Variants in ADGRG1 observed in about 807,000 individuals in gnomAD.
ADGRG1 encodes the protein 7-transmembrane protein with no EGF-like N-terminal domains-1.
In ADGRG1, 53 loss-of-function variants were observed where a neutral mutation model predicts 73.5. The ratio of observed to expected loss-of-function variants is 0.72; its 90% CI spans 0.58 to 0.91. ADGRG1 has a LOEUF of 0.91. ADGRG1 is among the 40% of genes least tolerant of loss of function. The pLI is 0.00. For missense variants in ADGRG1, 795 were observed against 871.8 expected, an observed-to-expected ratio of 0.91 and a Z score of 1.11; for synonymous variants, 394 against 374.4, an observed-to-expected ratio of 1.05 and a Z score of -0.60.
intron 1 of ADGRG1, chr16:57,641,717 C>A: frequency 5.0e-6 from 1 of 198,724 alleles, no homozygotes; most frequent in East Asian, 1.9e-4. Context: ...AGGTGTGTGC[C>A]ACTATGCCCA....
Position 57,650,251 on chromosome 16 carries a change from A to G in ADGRG1, c.-35-2A>G. ...CCAGCTAACACTCCTGGTCTCTTCCAGGTGGTGACTTCCAAGAGTGACTCC... is the reference window on the plus strand; with the variant it reads ...CCAGCTAACACTCCTGGTCTCTTCCGGGTGGTGACTTCCAAGAGTGACTCC... On this transcript the variant is annotated splice_acceptor_variant, in intron 1 of 13. Transcript: ENST00000562631. LOFTEE classifies it low-confidence loss of function (5UTR_SPLICE). The G allele has an allele frequency of 1.2e-6, 2 of 1,605,526 alleles. No homozygotes were observed. The highest frequency in any genetic ancestry group is 1.7e-6 in the Non-Finnish European group (2 of 1,172,234).
intron 1 of ADGRG1, chr16:57,646,401 A>G: frequency 1.0e-6 from 1 of 985,214 alleles, no homozygotes; most frequent in Non-Finnish European, 1.2e-6. Flanking sequence ...AACCCTGGCC[A>G]CCTTCCACTC....
At chr16:57,647,944 G>A (rs751275570) in intron 1 of ADGRG1, 4 of 172,874 alleles carry the variant, frequency 2.3e-5, no homozygotes, top group Non-Finnish European at 4.6e-5. Flanking sequence ...GAAGTGACAC[G>A]GTGGTTCTGC....
chr16:57,648,800 A>G, intron 1 of ADGRG1: 1 of 708,866 alleles, frequency 1.4e-6, no homozygotes, highest in Non-Finnish European at 1.7e-6. Flanking sequence ...CCGGCTGGCC[A>G]TAGGGAGGGC....
At position 57,628,795 on chromosome 16, in the gene ADGRG1, G is replaced by C; in HGVS notation, c.-43G>C. 2 of 985,550 alleles carry C rather than the reference G, an allele frequency of 2.0e-6. No homozygotes were observed. The highest frequency in any genetic ancestry group is 9.4e-5 in the South Asian group (2 of 21,332). 61.1% of individuals were successfully genotyped at this position (985,550 alleles called of 1,614,324 possible). Reference sequence around the variant, plus strand: ...TGGCCCTGCGTGGGACCCTCCACCTGGCAGCAGGTACCCAAACAAGGGCTG... The same window carrying C: ...TGGCCCTGCGTGGGACCCTCCACCTCGCAGCAGGTACCCAAACAAGGGCTG... On this transcript the variant is annotated 5_prime_UTR_variant, in exon 1 of 14. Transcript: ENST00000562631.
At position 57,653,231 on chromosome 16, in the gene ADGRG1, C is replaced by T. The variant is rs1180026006; in HGVS notation, c.516C>T (p.Ala172=). The change falls in exon 4 of 14, where the codon GCC becomes GCT. Residue 172 remains alanine (A), a synonymous_variant. Coordinates refer to ENST00000562631, the MANE Select transcript of ADGRG1 (RefSeq NM_201525.4). ...HSPPHTAAHN[A]SVDMCELKRD... ...CTCCCCACACGGCCGCTCACAATGC[C>T]TCGGTGGACATGTGCGAGCTCAAAA... 1 of 1,611,788 alleles carries T rather than the reference C, an allele frequency of 6.2e-7. No homozygotes were observed. The highest frequency in any genetic ancestry group is 2.2e-5 in the East Asian group (1 of 44,876).
intron 1 of ADGRG1, chr16:57,636,114 T>C: frequency 1.0e-6 from 1 of 985,302 alleles, no homozygotes. Flanking sequence ...AGGTGGGAGC[T>C]TGGGGTCTGC....
intron 12 of ADGRG1, chr16:57,661,410 C>T (rs2047064726): frequency 3.0e-6 from 3 of 985,250 alleles, no homozygotes; most frequent in Non-Finnish European, 3.6e-6. Context: ...GGAAGGAATC[C>T]TTCCCATTGG....
Position 57,654,255 on chromosome 16 carries a change from A to G in ADGRG1, c.768+122A>G, listed in dbSNP as rs113604987. ...AGCCTCTCCCTGGGGCCTCCCGAGA[A>G]GGTTCCAGGCCCGAGGATAGCCATC... On this transcript the variant is annotated intron_variant, in intron 5 of 13. Coordinates refer to ENST00000562631, the MANE Select transcript of ADGRG1 (RefSeq NM_201525.4). 371 of 992,994 alleles carry G rather than the reference A, an allele frequency of 3.7e-4. 1 individual carries two copies. The African/African-American group carries it at 5.4e-3, about 14-fold the overall frequency. 61.5% of individuals were successfully genotyped at this position (992,994 alleles called of 1,614,324 possible). A position where few individuals can be genotyped will look rare whatever the true frequency, so the allele number is the denominator to read the frequency against.
At position 57,655,795 on chromosome 16, in the gene ADGRG1, G is replaced by T; in HGVS notation, c.901-81G>T. On this transcript the variant is annotated intron_variant, in intron 6 of 13. Coordinates refer to ENST00000562631, the MANE Select transcript of ADGRG1 (RefSeq NM_201525.4). ...CAATGTGCTGGGAGAGGGTTATCTAGAGAGGGTAAGGGGCTTCTGGGCCCT... is the reference window on the plus strand; with the variant it reads ...CAATGTGCTGGGAGAGGGTTATCTATAGAGGGTAAGGGGCTTCTGGGCCCT... The T allele has an allele frequency of 9.9e-6, 16 of 1,613,338 alleles. No homozygotes were observed. In the South Asian group the frequency reaches 1.8e-4, roughly 18 times the overall value.
rs532188689 is a variant in ADGRG1 at position 57,654,133 on chromosome 16, G to A, written c.768G>A (p.Glu256=). The change falls in exon 5 of 14, where the codon GAG becomes GAA. Residue 256 remains glutamate (E), a splice_region_variant and synonymous_variant. Transcript: ENST00000562631. ...ACCTGCACATCCACTCCCGGCAGGAGGTCAGGGGCAGGCCTGGGCAGGAAG... is the reference window on the plus strand; with the variant it reads ...ACCTGCACATCCACTCCCGGCAGGAAGTCAGGGGCAGGCCTGGGCAGGAAG... ...LQDLHIHSRQ[E]EEQSEIMEYS... is the part of the protein sequence containing the mutation. The A allele has an allele frequency of 1.2e-6, 2 of 1,611,764 alleles. No individual in the cohort carries two copies. Among genetic ancestry groups the A allele is most frequent in the Non-Finnish European group, 1.7e-6 (2 of 1,179,898 alleles).
At chr16:57,653,812 T>G in intron 4 of ADGRG1, 174 bp from the exon 5 acceptor site, 1 of 985,134 alleles carries the variant, frequency 1.0e-6, no homozygotes, top group Non-Finnish European at 1.2e-6. Context: ...ATGCCTGCTT[T>G]TCTCTTTTGT....
At chr16:57,650,017 A>C in intron 1 of ADGRG1, 2 of 373,748 alleles carry the variant, frequency 5.4e-6, no homozygotes, top group Non-Finnish European at 7.4e-6. Context: ...TGCTCAAGCG[A>C]TCCTCCTTTC....
chr16:57,641,460 C>G, intron 1 of ADGRG1: 1 of 984,826 alleles, frequency 1.0e-6, no homozygotes, highest in African/African-American at 1.7e-5. Flanking sequence ...ACTGCTGGCT[C>G]TTTGGCTCTT....
At position 57,636,586 on chromosome 16, in the gene ADGRG1, GTGGCACTT is replaced by G. The variant is rs2039434071; in HGVS notation, c.-36+7786_-36+7793del. The G allele has an allele frequency of 3.0e-6, 3 of 985,030 alleles. No homozygotes were observed. In the East Asian group the frequency reaches 3.4e-4, roughly 112 times the overall value. The allele number at this position is 985,030 out of a possible 1,614,324, so 61.0% of individuals were successfully genotyped here. ...ATCCCCTACCCCTCACATAGCCTGA[GTGGCACTT>G]TTGGGTTGGATCTTCTAGATCTTCT... On this transcript the variant is annotated intron_variant, in intron 1 of 13. Transcript: ENST00000562631.
intron 12 of ADGRG1, 86 bp from the exon 13 acceptor site, chr16:57,661,611 A>G (rs1054342769): frequency 3.8e-5 from 59 of 1,544,564 alleles, no homozygotes; most frequent in Non-Finnish European, 5.2e-6. Context: ...AACAGTGGAT[A>G]ATCCTGAAAA....
intron 1 of ADGRG1, among the ~76,000 whole-genome samples, chr16:57,645,648 G>A (rs1265519395): frequency 6.6e-6 from 1 of 152,152 alleles, no homozygotes; most frequent in Admixed American, 6.5e-5. Flanking sequence ...TGGTTCCCAA[G>A]CCTGCAGTAT....
upstream of ADGRG1, among the ~76,000 whole-genome samples, chr16:57,620,380 C>G (rs1453387804): frequency 3.9e-5 from 6 of 152,188 alleles, no homozygotes; most frequent in East Asian, 1.2e-3. Flanking sequence ...CATCCTAGCA[C>G]CGGGAAGCTG....
rs768328844 is a variant in ADGRG1, at chr16:57,659,401, C to T, written c.1287-12C>T. 2 of 1,613,396 alleles carry T rather than the reference C, an allele frequency of 1.2e-6. No individual in the cohort carries two copies. The highest frequency in any genetic ancestry group is 1.7e-5 in the Admixed American group (1 of 60,010). ...TCCCACACTGGCCCACCAGGGTGCC[C>T]CTGCCGTGCAGGAGGAAACCTCGGG... On this transcript the variant is annotated splice_polypyrimidine_tract_variant and intron_variant, in intron 10 of 13. Coordinates refer to ENST00000562631, the MANE Select transcript of ADGRG1 (RefSeq NM_201525.4).
Sources: gnomAD v4.1 joint callset for allele counts (sites outside exome capture counted in the v4.1 genomes callset) on GRCh38, gnomAD v4.1.1 for gene constraint, MANE v1.5 for transcripts, NCBI Gene and HGNC (gene_info 2026-07-23, HGNC 2026-07-21) for gene names.